Variants in BEND4 observed in about 807,000 individuals in gnomAD.
BEND4 encodes the protein BEN domain-containing protein 4.
Under a neutral mutation model 54.7 loss-of-function variants are expected in BEND4, and 27 were observed. The observed-to-expected ratio is 0.49, with a 90% CI of 0.36 to 0.68. The LOEUF is 0.68. Among genes scored for constraint, BEND4 ranks in the 30% least tolerant of loss-of-function variants. The probability of loss-of-function intolerance (pLI) is 0.00; values close to 1 mark genes in which losing one functional copy is unlikely to be tolerated. For missense variants in BEND4, 702 were observed against 697.2 expected (o/e 1.01, Z -0.08); for synonymous variants, 327 against 299.5 (o/e 1.09, Z -0.95).
chr4:42,130,366 G>C (rs1315370259), intron 3 of BEND4, among the ~76,000 whole-genome samples: 1 of 151,444 alleles, frequency 6.6e-6, no homozygotes, highest in African/African-American at 2.4e-5. Flanking sequence ...TATGGTCCCA[G>C]CTACTCGGGA....
rs1482077777 is a variant in BEND4 at position 42,151,672 on chromosome 4, G to A, written c.472C>T (p.Leu158=). ...TGGTGSDSAS[L]ELSAESRMIL... ...GAGTTGGTACCTGCGCTGAGCTCCAGGCTGGCGCTGTCGCTACCCGTGCCG... is the reference window on the plus strand; with the variant it reads ...GAGTTGGTACCTGCGCTGAGCTCCAAGCTGGCGCTGTCGCTACCCGTGCCG... Residue 158 remains leucine, a synonymous_variant, in exon 2 of 6, where the codon CTG becomes TTG. Coordinates refer to ENST00000502486, the MANE Select transcript of BEND4 (RefSeq NM_207406.4). The A allele has an allele frequency of 4.7e-6, 7 of 1,504,194 alleles. No individual in the cohort carries two copies. The African/African-American group carries it at 8.8e-5, about 19-fold the overall frequency. The allele number at this position is 1,504,194 out of a possible 1,614,324, so 93.2% of individuals were successfully genotyped here.
chr4:42,136,140 C>T (rs1354225127), intron 3 of BEND4, among the ~76,000 whole-genome samples: 4 of 152,196 alleles, frequency 2.6e-5, no homozygotes, highest in Non-Finnish European at 5.9e-5. Context: ...GATCCGTGAG[C>T]TTCTCAGGAT....
At chr4:42,136,297 C>T (rs1720696437) in intron 3 of BEND4, among the ~76,000 whole-genome samples, 1 of 152,114 alleles carries the variant, frequency 6.6e-6, no homozygotes, top group Non-Finnish European at 1.5e-5. Flanking sequence ...TTCCTGTTAT[C>T]CAAAAACTGA....
chr4:42,143,328 T>TATACACATACAC (rs1230032521), intron 3 of BEND4, 100 bp downstream of exon 3: 82 of 1,094,702 alleles, frequency 7.5e-5, no homozygotes, highest in Admixed American at 2.0e-4. Context: ...CACACATACA[T>TATACACATACAC]ATACACATAC....
chr4:42,114,142 C>A lies in BEND4; in HGVS notation c.*3376G>T, dbSNP rs1028924787. 5 of 152,174 alleles carry A rather than the reference C, an allele frequency of 3.3e-5. No homozygotes were observed. The highest frequency in any genetic ancestry group is 1.3e-4 in the Admixed American group (2 of 15,270). The allele number at this position is 152,174 out of a possible 1,614,324, so 9.4% of individuals were successfully genotyped here. On this transcript the variant is annotated 3_prime_UTR_variant, in exon 6 of 6. Transcript: ENST00000502486. Reference sequence around the variant, plus strand: ...TTTTGAACAATGCACCGTCAAGAGTCAGTGAGAAATGTGACTTTAGTAACT... The same window carrying A: ...TTTTGAACAATGCACCGTCAAGAGTAAGTGAGAAATGTGACTTTAGTAACT...
chr4:42,142,616 G>C (rs988790430), intron 3 of BEND4, among the ~76,000 whole-genome samples: 1 of 137,872 alleles, frequency 7.3e-6, no homozygotes, highest in Non-Finnish European at 1.5e-5. Context: ...CTCAGTGACA[G>C]AGTGAGAGAG....
chr4:42,145,058 A>C (rs1457771205), intron 2 of BEND4, among the ~76,000 whole-genome samples: 1 of 152,222 alleles, frequency 6.6e-6, no homozygotes, highest in Non-Finnish European at 1.5e-5. Context: ...TCTAGATTGT[A>C]GATGCCTATA....
chr4:42,140,280 G>C (rs1720837857), intron 3 of BEND4, among the ~76,000 whole-genome samples: 1 of 152,110 alleles, frequency 6.6e-6, no homozygotes, highest in African/African-American at 2.4e-5. Context: ...ATATTAAGGT[G>C]TCCCTAGGTC....
rs1721050274 is a variant in BEND4, at chr4:42,145,608, C to T, written c.488-1614G>A. Reference sequence around the variant, plus strand: ...TCGGGGGGCTGAGGCAGGAGAATCGCTTGAACCCAGAAGACAGAGGTTGCA... The same window carrying T: ...TCGGGGGGCTGAGGCAGGAGAATCGTTTGAACCCAGAAGACAGAGGTTGCA... On this transcript the variant is annotated intron_variant, in intron 2 of 5. Transcript: ENST00000502486. 2.6e-5 allele frequency among the ~76,000 whole-genome samples: 4 copies of T among 151,190 alleles called. No homozygotes were observed. The South Asian group carries it at 8.4e-4, about 32-fold the overall frequency.
chr4:42,147,030 A>C (rs1172824863), intron 2 of BEND4, among the ~76,000 whole-genome samples: 1 of 152,192 alleles, frequency 6.6e-6, no homozygotes, highest in East Asian at 1.9e-4. Context: ...TACATTATGA[A>C]GATAATCTAT....
At position 42,117,568 on chromosome 4, in the gene BEND4, A is replaced by G; in HGVS notation, c.1555T>C (p.Ser519Pro). 6.2e-7 allele frequency: 1 copy of G among 1,613,252 alleles called. No individual in the cohort carries two copies. The highest frequency in any genetic ancestry group is 8.5e-7 in the Non-Finnish European group (1 of 1,179,640). ...CTTTTATTGAAGACTTCATCCTGAG[A>G]AGCCTGGTGATCGATCCCTTCATAA... ...SFYEGIDHQA[S>P]QDEVFNKSSQ... Residue 519 changes from serine to proline, a missense_variant, in exon 6 of 6, where the codon TCT (serine) becomes CCT (proline). Ser to Pro is a moderately conservative substitution (Grantham distance 74, BLOSUM62 -1). Coordinates refer to ENST00000502486, the MANE Select transcript of BEND4 (RefSeq NM_207406.4).
chr4:42,123,263 T>A (rs1470557279), intron 4 of BEND4, among the ~76,000 whole-genome samples: 1 of 151,862 alleles, frequency 6.6e-6, no homozygotes, highest in African/African-American at 2.4e-5. Context: ...ATATAAAGAG[T>A]CATAATGATG....
intron 3 of BEND4, among the ~76,000 whole-genome samples, chr4:42,136,409 T>C (rs1720699443): frequency 6.6e-6 from 1 of 152,246 alleles, no homozygotes; most frequent in Non-Finnish European, 1.5e-5. Context: ...GTTTGTAGCC[T>C]CTGGAGTTGG....
intron 2 of BEND4, among the ~76,000 whole-genome samples, chr4:42,150,322 A>T (rs759018243): frequency 3.3e-5 from 5 of 150,378 alleles, no homozygotes; most frequent in Non-Finnish European, 1.5e-5. Context: ...CCCCACAAAC[A>T]ATAAGGAAGT....
intron 3 of BEND4, among the ~76,000 whole-genome samples, chr4:42,126,131 C>A (rs1453900612): frequency 6.6e-6 from 1 of 152,152 alleles, no homozygotes; most frequent in Non-Finnish European, 1.5e-5. Flanking sequence ...GTAGTTATTT[C>A]AGTTTGTAAA....
intron 2 of BEND4, among the ~76,000 whole-genome samples, chr4:42,149,066 C>T (rs55844002): frequency 0.012 from 1,836 of 152,312 alleles, 16 homozygotes; most frequent in Non-Finnish European, 0.019. Flanking sequence ...CACTCAGTTA[C>T]GTCTCTTCTT....
chr4:42,139,119 TC>T (rs1439984764), intron 3 of BEND4, among the ~76,000 whole-genome samples: 3 of 152,186 alleles, frequency 2.0e-5, no homozygotes, highest in Admixed American at 2.0e-4. Flanking sequence ...AAACCTCTCA[TC>T]CCTTCACATT....
intron 4 of BEND4, among the ~76,000 whole-genome samples, chr4:42,123,500 A>G (rs772655030): frequency 2.0e-5 from 3 of 151,942 alleles, no homozygotes; most frequent in Non-Finnish European, 4.4e-5. Flanking sequence ...AAGCAAGGAA[A>G]CTAGTTCTGA....
intron 4 of BEND4, among the ~76,000 whole-genome samples, chr4:42,122,850 C>T (rs1220366292): frequency 2.0e-5 from 3 of 152,160 alleles, no homozygotes; most frequent in Non-Finnish European, 2.9e-5. Flanking sequence ...CAAGGCCTCA[C>T]AACTCAAAGG....
Sources: allele counts gnomAD v4.1 joint callset (sites outside exome capture counted in the v4.1 genomes callset), GRCh38; gene constraint gnomAD v4.1.1; transcripts MANE v1.5; gene names NCBI Gene and HGNC (gene_info 2026-07-23, HGNC 2026-07-21).